The following GMPPA variants were observed in gnomAD, a reference collection of about 807,000 sequenced individuals.
GMPPA encodes the protein mannose-1-phosphate guanylyltransferase regulatory subunit alpha.
GMPPA carries 46 observed loss-of-function variants against 58.6 expected under a neutral mutation model. The observed-to-expected ratio is 0.78, with a 90% CI of 0.62 to 1.00. GMPPA has a LOEUF of 1.00. Among genes scored for constraint, GMPPA ranks in the 50% least tolerant of loss-of-function variants. GMPPA has a pLI of 0.00. For synonymous variants in GMPPA, 211 were observed against 214.9 expected, an observed-to-expected ratio of 0.98 and a Z score of 0.16; for missense variants, 468 against 556.4, an observed-to-expected ratio of 0.84 and a Z score of 1.60.
chr2:219,504,257 C>A, intron 7 of GMPPA, 44 bp downstream of exon 7: 1 of 1,594,046 alleles, frequency 6.3e-7, no homozygotes, highest in South Asian at 1.1e-5. Context: ...TACCCCCAGT[C>A]ACGGACCCCA....
rs1400814904 is a variant in GMPPA, at chr2:219,502,635, T to G, written c.489+194T>G. On this transcript the variant is annotated intron_variant, in intron 6 of 12. Coordinates refer to ENST00000313597, the MANE Select transcript of GMPPA (RefSeq NM_013335.4). This position sits in a 1 kb window ranked among gnomAD's most constrained non-coding sequence, Gnocchi z 4.0. Reference sequence around the variant, plus strand: ...GGAGGGGGGGAATGGTTAATTTCCCTGGGGGTGGTGCTGTAATAAATGTAT... The same window carrying G: ...GGAGGGGGGGAATGGTTAATTTCCCGGGGGGTGGTGCTGTAATAAATGTAT... Among the ~76,000 whole-genome samples, 1 of 148,714 alleles carries G rather than the reference T, an allele frequency of 6.7e-6. No homozygotes were observed. Among genetic ancestry groups the G allele is most frequent in the Non-Finnish European group, 1.5e-5 (1 of 66,932 alleles).
At position 219,502,433 on chromosome 2, in the gene GMPPA, A is replaced by G; in HGVS notation, c.481A>G (p.Thr161Ala). ...CGGCTGCATCGTTGAGAATCCACAG[A>G]CACACGAGGTGAGAGCAGAGTGGGG... ...NYGCIVENPQ[T>A]HEVLHYVEKP... The change falls in exon 6 of 13, where the codon ACA becomes GCA. Residue 161 changes from threonine (T) to alanine (A), a missense_variant. Transcript: ENST00000313597. This position sits in a 1 kb window ranked among gnomAD's most constrained non-coding sequence, Gnocchi z 4.0. The G allele has an allele frequency of 6.2e-7, 1 of 1,613,758 alleles. No homozygotes were observed. The highest frequency in any genetic ancestry group is 2.2e-5 in the East Asian group (1 of 44,876).
intron 9 of GMPPA, 50 bp downstream of exon 9, chr2:219,505,605 T>C (rs1247783922): frequency 3.8e-6 from 6 of 1,574,686 alleles, no homozygotes; most frequent in Non-Finnish European, 4.3e-6. Flanking sequence ...CCCAGCCCTC[T>C]GAACCAGGAT....
chr2:219,501,881 A>T lies in GMPPA; in HGVS notation c.273A>T (p.Thr91=). The change falls in exon 5 of 13, where the codon ACA becomes ACT. Residue 91 remains threonine, a synonymous_variant. Coordinates refer to ENST00000313597, the MANE Select transcript of GMPPA (RefSeq NM_013335.4). The part of the protein sequence containing the change: ...RYLQEFAPLG[T]GGGLYHFRDQ... ...TGCAGGAATTTGCCCCCCTAGGCACAGGGGGTGGTCTTTACCATTTTCGAG... is the reference window on the plus strand; with the variant it reads ...TGCAGGAATTTGCCCCCCTAGGCACTGGGGGTGGTCTTTACCATTTTCGAG... 1 of 1,614,158 alleles carries T rather than the reference A, an allele frequency of 6.2e-7. No homozygotes were observed. Among genetic ancestry groups the T allele is most frequent in the Non-Finnish European group, 8.5e-7 (1 of 1,179,990 alleles).
intron 4 of GMPPA, 53 bp downstream of exon 4, chr2:219,501,632 A>C (rs994492011): frequency 4.4e-6 from 5 of 1,138,788 alleles, no homozygotes; most frequent in Non-Finnish European, 6.7e-6. Context: ...TAGGCCTCTG[A>C]GTTCTTGGAA....
chr2:219,505,797 G>C (rs915067869), intron 10 of GMPPA, 36 bp downstream of exon 10: 11 of 1,542,218 alleles, frequency 7.1e-6, no homozygotes, highest in Non-Finnish European at 8.9e-6. Context: ...AGGGAAGGGT[G>C]GTGGTCGGAT....
Position 219,505,284 on chromosome 2 carries a change from T to G in GMPPA, c.677T>G (p.Val226Gly). The change falls in exon 8 of 13, where the codon GTG becomes GGG. Residue 226 changes from valine (V) to glycine (G), a missense_variant. Val to Gly is a moderately radical substitution (Grantham distance 109). Coordinates refer to ENST00000313597, the MANE Select transcript of GMPPA (RefSeq NM_013335.4). ...GAGTIRLEQD[V>G]FSALAGQGQI... ...GGTACCATCCGCCTAGAGCAGGATG[T>G]GTTTTCAGCCCTGGCAGGGCAGGGC... 6.2e-7 allele frequency: 1 copy of G among 1,614,052 alleles called. No homozygotes were observed. Among genetic ancestry groups the G allele is most frequent in the Non-Finnish European group, 8.5e-7 (1 of 1,179,910 alleles).
intron 12 of GMPPA, 47 bp from the exon 13 acceptor site, chr2:219,506,649 CCT>C (rs762066601): frequency 2.4e-5 from 27 of 1,139,168 alleles, no homozygotes; most frequent in Admixed American, 7.0e-5. Context: ...GCTCCCTGCC[CCT>C]GTCTCCCCTC....
chr2:219,504,814 T>C, intron 7 of GMPPA: 1 of 1,038,498 alleles, frequency 9.6e-7, no homozygotes, highest in Non-Finnish European at 1.2e-6. Context: ...CTACCATCTC[T>C]CTCTCCCTTT....
rs763369705 is a variant in GMPPA at position 219,502,445 on chromosome 2, A to G, written c.489+4A>G. On this transcript the variant is annotated splice_donor_region_variant and intron_variant, in intron 6 of 12. Transcript: ENST00000313597. This position sits in a 1 kb window ranked among gnomAD's most constrained non-coding sequence, Gnocchi z 4.0. ...TGAGAATCCACAGACACACGAGGTG[A>G]GAGCAGAGTGGGGGCTGGGTGGGTG... The G allele has an allele frequency of 1.2e-6, 2 of 1,612,600 alleles. No individual in the cohort carries two copies. Among genetic ancestry groups the G allele is most frequent in the Non-Finnish European group, 1.7e-6 (2 of 1,178,804 alleles).
intron 11 of GMPPA, 48 bp downstream of exon 11, chr2:219,506,120 G>A: frequency 6.8e-7 from 1 of 1,479,946 alleles, no homozygotes; most frequent in Non-Finnish European, 9.3e-7. Context: ...AGAGGCTGCG[G>A]GGAGGGCCCA....
intron 3 of GMPPA, 142 bp from the exon 4 acceptor site, chr2:219,501,334 A>T (rs1694382528): frequency 1.5e-6 from 1 of 660,100 alleles, no homozygotes; most frequent in Admixed American, 2.4e-5. Flanking sequence ...CCAGAGGAGA[A>T]AATAGCCCAG....
chr2:219,499,909 G>C lies in GMPPA; in HGVS notation c.-20-47G>C, dbSNP rs377091043. 105 of 1,479,522 alleles carry C rather than the reference G, an allele frequency of 7.1e-5. No individual in the cohort carries two copies. In the Middle Eastern group the frequency reaches 8.8e-4, roughly 12 times the overall value. 91.6% of individuals were successfully genotyped at this position (1,479,522 alleles called of 1,614,324 possible). ...TGTTGCTATTTGGGTTTTGGGGCTT[G>C]GTTGGGGTAGGAGATCTGAGCTTGA... On this transcript the variant is annotated intron_variant, in intron 1 of 12. Coordinates refer to ENST00000313597, the MANE Select transcript of GMPPA (RefSeq NM_013335.4).
chr2:219,499,736 C>A (rs1207918856), intron 1 of GMPPA: 1 of 584,570 alleles, frequency 1.7e-6, no homozygotes, highest in Non-Finnish European at 3.1e-6. Flanking sequence ...GGGCTAAGTG[C>A]TGCTATTTGG....
chr2:219,501,734 C>A, intron 4 of GMPPA, 117 bp from the exon 5 acceptor site: 1 of 946,614 alleles, frequency 1.1e-6, no homozygotes, highest in Non-Finnish European at 1.7e-6. Context: ...TATAGAGTTT[C>A]TCTGTGGGCC....
In GMPPA at chr2:219,503,943, G is replaced by A. The variant is rs1299502150; in HGVS notation, c.490-140G>A. On this transcript the variant is annotated intron_variant, in intron 6 of 12. Transcript: ENST00000313597. The stretch of plus-strand genomic sequence containing the variant: ...AGGGTTTAAAGCCAGGCAGCAGTAG[G>A]ATGCGGATGCGCACTGCATTTTAGC... 12 of 821,650 alleles carry A rather than the reference G, an allele frequency of 1.5e-5. 1 individual carries two copies. The highest frequency in any genetic ancestry group is 1.2e-4 in the South Asian group (8 of 67,132). 50.9% of individuals were successfully genotyped at this position (821,650 alleles called of 1,614,324 possible).
At chr2:219,505,924 G>A in intron 10 of GMPPA, 56 bp from the exon 11 acceptor site, 2 of 1,286,414 alleles carry the variant, frequency 1.6e-6, no homozygotes, top group Admixed American at 2.3e-5. Flanking sequence ...AAGGGAGTTG[G>A]GTTTGGGGAT....
rs770772263 is a variant in GMPPA at position 219,501,813 on chromosome 2, A to G, written c.243-38A>G. 5 of 1,590,564 alleles carry G rather than the reference A, an allele frequency of 3.1e-6. No individual in the cohort carries two copies. The East Asian group carries it at 6.7e-5, about 21-fold the overall frequency. ...CCCTGGCTCATGGTATCTGTTTCCT[A>G]AGATCCACTGAGCTGGCTCTCGGGT... On this transcript the variant is annotated intron_variant, in intron 4 of 12. Coordinates refer to ENST00000313597, the MANE Select transcript of GMPPA (RefSeq NM_013335.4).
In GMPPA at chr2:219,502,407, A is replaced by ACGGCTGCAT. The variant is rs754443951; in HGVS notation, c.458_466dup (p.Gly153_Ile155dup). 6.2e-7 allele frequency: 1 copy of ACGGCTGCAT among 1,613,850 alleles called. No individual in the cohort carries two copies. The highest frequency in any genetic ancestry group is 8.5e-7 in the Non-Finnish European group (1 of 1,179,872). On this transcript the variant is annotated inframe_insertion, in exon 6 of 13. Transcript: ENST00000313597. This position sits in a 1 kb window ranked among gnomAD's most constrained non-coding sequence, Gnocchi z 4.0. ...GCTAACAGGACGCAATCCCTCAACT[A>ACGGCTGCAT]CGGCTGCATCGTTGAGAATCCACAG...
Sources: allele counts gnomAD v4.1 joint callset (sites outside exome capture counted in the v4.1 genomes callset), GRCh38; gene constraint gnomAD v4.1.1; non-coding constraint Gnocchi (gnomAD v3.1); transcripts MANE v1.5; gene names NCBI Gene and HGNC (gene_info 2026-07-23, HGNC 2026-07-21).